The following ATP2A2 variants were observed in gnomAD, a reference collection of about 807,000 sequenced individuals.
ATP2A2 encodes ATPase sarcoplasmic/endoplasmic reticulum Ca2+ transporting 2.
In ATP2A2, 14 loss-of-function variants were observed where a neutral mutation model predicts 109.3. That is an observed-to-expected ratio of 0.13 (90% CI 0.08 to 0.20). The LOEUF is 0.20. Ranked by LOEUF, ATP2A2 falls within the 10% of genes least tolerant of loss-of-function variation. The probability of loss-of-function intolerance (pLI) is 1.00; values close to 1 mark genes in which losing one functional copy is unlikely to be tolerated. For synonymous variants in ATP2A2, 506 were observed against 490.9 expected, an observed-to-expected ratio of 1.03 and a Z score of -0.41; for missense variants, 657 against 1,321.6, an observed-to-expected ratio of 0.50 and a Z score of 7.80.
chr12:110,285,658 G>A (rs575000402), intron 3 of ATP2A2, among the ~76,000 whole-genome samples: 3 of 152,144 alleles, frequency 2.0e-5, no homozygotes, highest in Non-Finnish European at 2.9e-5. Flanking sequence ...TGACATTTGC[G>A]AAAAGATCTG....
At chr12:110,305,168 A>C (rs1371277761) in intron 5 of ATP2A2, among the ~76,000 whole-genome samples, 1 of 152,190 alleles carries the variant, frequency 6.6e-6, no homozygotes, top group Non-Finnish European at 1.5e-5. Context: ...TCCTGACTTC[A>C]AATGATCCGC....
At chr12:110,332,380 C>T (rs929131467) in intron 8 of ATP2A2, 23 of 571,204 alleles carry the variant, frequency 4.0e-5, no homozygotes, top group South Asian at 3.7e-4. Flanking sequence ...TTCGATTGGT[C>T]GGGGGTGTGA....
chr12:110,291,997 C>G, intron 3 of ATP2A2, 23 bp from the exon 4 acceptor site: 2 of 1,596,172 alleles, frequency 1.3e-6, no homozygotes, highest in African/African-American at 1.3e-5. Flanking sequence ...AAGACACATT[C>G]TAACGTGCCA....
chr12:110,280,758 G>C (rs1392276489), upstream of ATP2A2: 1 of 152,314 alleles, frequency 6.6e-6, no homozygotes, highest in East Asian at 1.9e-4. Flanking sequence ...TGGTTTCTGA[G>C]GGGGGCTCTG....
chr12:110,310,976 A>G (rs1006908522), intron 5 of ATP2A2, among the ~76,000 whole-genome samples: 2 of 152,238 alleles, frequency 1.3e-5, no homozygotes, highest in Admixed American at 1.3e-4. Flanking sequence ...CTAGTTCTGC[A>G]TGACATTGGA....
chr12:110,325,862 C>T lies in ATP2A2; in HGVS notation c.545-528C>T, dbSNP rs1225265631. ...AATTAACCCGGCGTGGTATTGGGTG[C>T]CTGTAATCCCAGCTATTCAGGAAGC... is the stretch of plus-strand genomic sequence containing the variant. On this transcript the variant is annotated intron_variant, in intron 6 of 19. Coordinates refer to ENST00000539276, the MANE Select transcript of ATP2A2 (RefSeq NM_170665.4). 6 of 161,046 alleles carry T rather than the reference C, an allele frequency of 3.7e-5. No homozygotes were observed. In the East Asian group the frequency reaches 1.1e-3, roughly 28 times the overall value. The allele number at this position is 161,046 out of a possible 1,614,324, so 10.0% of individuals were successfully genotyped here.
intron 1 of ATP2A2, 85 bp from the exon 2 acceptor site, chr12:110,282,519 A>G: frequency 6.5e-7 from 1 of 1,528,766 alleles, no homozygotes; most frequent in Non-Finnish European, 9.0e-7. Flanking sequence ...TTCTTTTTAG[A>G]AAAACGAAGT....
At chr12:110,282,337 A>G (rs971130315) in intron 1 of ATP2A2, among the ~76,000 whole-genome samples, 2 of 152,170 alleles carry the variant, frequency 1.3e-5, no homozygotes, top group East Asian at 3.8e-4. Flanking sequence ...AACCACTCCT[A>G]GGTTCAGGAG....
At chr12:110,288,601 C>T (rs538498775) in intron 3 of ATP2A2, among the ~76,000 whole-genome samples, 20 of 152,160 alleles carry the variant, frequency 1.3e-4, no homozygotes, top group Admixed American at 5.9e-4. Context: ...GATGGGTTTT[C>T]GCCATGTTGG....
chr12:110,293,134 G>T (rs1389055252), intron 4 of ATP2A2, among the ~76,000 whole-genome samples: 1 of 152,022 alleles, frequency 6.6e-6, no homozygotes, highest in African/African-American at 2.4e-5. Context: ...CAGGAGTGCA[G>T]TGGCACGATC....
At chr12:110,330,057 C>T (rs1018153758) in intron 8 of ATP2A2, 1 of 152,300 alleles carries the variant, frequency 6.6e-6, no homozygotes, top group East Asian at 1.9e-4. Context: ...ATAACATGAG[C>T]ATTTATTTAG....
At chr12:110,297,609 TTTTTG>T (rs900728907) in intron 5 of ATP2A2, among the ~76,000 whole-genome samples, 2 of 151,748 alleles carry the variant, frequency 1.3e-5, no homozygotes, top group African/African-American at 4.8e-5. Context: ...TAGTGCTGTT[TTTTTG>T]TTTTGTTTTG....
chr12:110,308,232 T>G (rs1404863379), intron 5 of ATP2A2, among the ~76,000 whole-genome samples: 1 of 152,210 alleles, frequency 6.6e-6, no homozygotes, highest in Non-Finnish European at 1.5e-5. Context: ...CTTGCCTAAT[T>G]GCCCTGGTTA....
chr12:110,281,466 G>A lies in ATP2A2; in HGVS notation c.-324G>A, dbSNP rs543056549. ...GCCTCTGATCGCCTCAAGAGAGCGGGGAGGGGGCTCGGGGGCCGCGGCCTG... is the reference window on the plus strand; with the variant it reads ...GCCTCTGATCGCCTCAAGAGAGCGGAGAGGGGGCTCGGGGGCCGCGGCCTG... On this transcript the variant is annotated 5_prime_UTR_variant, in exon 1 of 20. Coordinates refer to ENST00000539276, the MANE Select transcript of ATP2A2 (RefSeq NM_170665.4). 1.5e-3 allele frequency: 255 copies of A among 166,366 alleles called. 1 individual carries two copies. Among genetic ancestry groups the A allele is most frequent in the Non-Finnish European group, 2.7e-3 (208 of 77,680 alleles). The allele number at this position is 166,366 out of a possible 1,614,324, so 10.3% of individuals were successfully genotyped here.
chr12:110,331,052 T>A (rs558603604), intron 8 of ATP2A2: 1 of 152,122 alleles, frequency 6.6e-6, no homozygotes, highest in East Asian at 1.9e-4. Flanking sequence ...GAGACCAGCC[T>A]GACTAACATG....
At position 110,342,640 on chromosome 12, in the gene ATP2A2, C is replaced by T. The variant is rs772777769; in HGVS notation, c.2318+192C>T. 1.4e-4 allele frequency among the ~76,000 whole-genome samples: 21 copies of T among 152,184 alleles called. No individual in the cohort carries two copies. The highest frequency in any genetic ancestry group is 2.8e-4 in the Non-Finnish European group (19 of 68,032). On this transcript the variant is annotated intron_variant, in intron 15 of 19. Transcript: ENST00000539276. This position sits in a 1 kb window ranked among gnomAD's most constrained non-coding sequence, Gnocchi z 4.6. Reference sequence around the variant, plus strand: ...TGGCCCTCGGGAGGGTTGTCTGCAGCTGCCCCAATGTGCAAAGAATCCTCT... The same window carrying T: ...TGGCCCTCGGGAGGGTTGTCTGCAGTTGCCCCAATGTGCAAAGAATCCTCT...
rs536694705 is a variant in ATP2A2 at position 110,313,415 on chromosome 12, C to G, written c.464-9577C>G. ...GCAAGCTCCGCCTCCTGGGTTCACG[C>G]CATTCTCCTGCCTCAGCCTCCCCGT... On this transcript the variant is annotated intron_variant, in intron 5 of 19. Coordinates refer to ENST00000539276, the MANE Select transcript of ATP2A2 (RefSeq NM_170665.4). 3.3e-5 allele frequency among the ~76,000 whole-genome samples: 5 copies of G among 149,846 alleles called. No individual in the cohort carries two copies. The East Asian group carries it at 9.8e-4, about 29-fold the overall frequency.
At chr12:110,345,906 C>A in intron 18 of ATP2A2, 95 bp from the exon 19 acceptor site, 1 of 1,240,010 alleles carries the variant, frequency 8.1e-7, no homozygotes, top group Non-Finnish European at 1.2e-6. Context: ...CATTAACAGC[C>A]GCCTTACTGA....
At position 110,347,917 on chromosome 12, in the gene ATP2A2, C is replaced by T. The variant is rs955652595; in HGVS notation, c.*1447C>T. On this transcript the variant is annotated 3_prime_UTR_variant, in exon 20 of 20. Transcript: ENST00000539276. ...AGATGCTGCTGTGCTCCCTGATGCCCTGTGAGCACCGGGGTTGCCTGTGGC... is the reference window on the plus strand; with the variant it reads ...AGATGCTGCTGTGCTCCCTGATGCCTTGTGAGCACCGGGGTTGCCTGTGGC... 1 of 989,314 alleles carries T rather than the reference C, an allele frequency of 1.0e-6. No individual in the cohort carries two copies. Among genetic ancestry groups the T allele is most frequent in the South Asian group, 4.6e-5 (1 of 21,686 alleles). The allele number at this position is 989,314 out of a possible 1,614,324, so 61.3% of individuals were successfully genotyped here. A position where few individuals can be genotyped will look rare whatever the true frequency, so the allele number is the denominator to read the frequency against.
Sources: gnomAD v4.1 joint callset for allele counts (sites outside exome capture counted in the v4.1 genomes callset) on GRCh38, gnomAD v4.1.1 for gene constraint, Gnocchi (gnomAD v3.1) non-coding constraint, MANE v1.5 for transcripts, NCBI Gene and HGNC (gene_info 2026-07-23, HGNC 2026-07-21) for gene names.